Variants in TRAF3IP3 observed in about 807,000 individuals in gnomAD.
The protein encoded by TRAF3IP3 is TRAF3 interacting protein 3.
Under a neutral mutation model 86.5 loss-of-function variants are expected in TRAF3IP3, and 64 were observed. The observed-to-expected ratio is 0.74, with a 90% CI of 0.60 to 0.91. TRAF3IP3 has a LOEUF of 0.91. TRAF3IP3 is among the 40% of genes least tolerant of loss of function. The pLI is 0.00. For missense variants in TRAF3IP3, 579 were observed against 642.9 expected (o/e 0.90, Z 1.07); for synonymous variants, 220 against 243.9 (o/e 0.90, Z 0.91).
intron 8 of TRAF3IP3, among the ~76,000 whole-genome samples, chr1:209,770,929 TGTGCAG>T (rs1233070518): frequency 7.1e-6 from 1 of 141,066 alleles, no homozygotes; most frequent in Admixed American, 7.1e-5. Flanking sequence ...AAGGTGTGCG[TGTGCAG>T]GTGGAGGTGT....
At position 209,780,537 on chromosome 1, in the gene TRAF3IP3, G is replaced by A. The variant is rs1200702955; in HGVS notation, c.1380G>A (p.Lys460=). Residue 460 remains lysine, a synonymous_variant, in exon 15 of 17, where the codon AAG becomes AAA. Coordinates refer to ENST00000367025, the MANE Select transcript of TRAF3IP3 (RefSeq NM_025228.4). ...AAGTGGAGCCTGAGGGTACAGGGAA[G>A]GAGAAAGACTGGGATCTCAGAGACC... ...PNEVEPEGTG[K]EKDWDLRDQL... 1.9e-6 allele frequency: 3 copies of A among 1,603,612 alleles called. No individual in the cohort carries two copies. The highest frequency in any genetic ancestry group is 1.7e-5 in the Admixed American group (1 of 59,162).
At chr1:209,780,176 C>T (rs1176827588) in intron 14 of TRAF3IP3, 1 of 204,048 alleles carries the variant, frequency 4.9e-6, no homozygotes, top group Non-Finnish European at 9.7e-6. Flanking sequence ...GACATACAAC[C>T]AATGAAATTC....
chr1:209,760,816 C>A (rs2077233332), intron 3 of TRAF3IP3, among the ~76,000 whole-genome samples: 1 of 152,010 alleles, frequency 6.6e-6, no homozygotes. Context: ...CACCTGTAGT[C>A]CTAACTAATC....
intron 11 of TRAF3IP3, 99 bp from the exon 12 acceptor site, chr1:209,777,253 T>A: frequency 1.8e-6 from 2 of 1,094,584 alleles, no homozygotes; most frequent in Admixed American, 4.7e-5. Flanking sequence ...TCTCTAAAAT[T>A]CCAGACTTTT....
At chr1:209,768,002 C>T (rs1287377389) in intron 8 of TRAF3IP3, among the ~76,000 whole-genome samples, 2 of 152,132 alleles carry the variant, frequency 1.3e-5, no homozygotes, top group Non-Finnish European at 2.9e-5. Context: ...AACCCCCTAG[C>T]TTCCAGTTTT....
At chr1:209,765,211 GAGGGAGA>G (rs1477391796) in intron 8 of TRAF3IP3, among the ~76,000 whole-genome samples, 2 of 133,918 alleles carry the variant, frequency 1.5e-5, no homozygotes, top group African/African-American at 3.0e-5. Context: ...GAGAGAGAGA[GAGGGAGA>G]GAGAGAGAGA....
At position 209,762,390 on chromosome 1, in the gene TRAF3IP3, C is replaced by T. The variant is rs191955175; in HGVS notation, c.346-125C>T. The T allele has an allele frequency of 8.3e-4, 781 of 936,098 alleles. 3 individuals are homozygous for T. The African/African-American group carries it at 0.011, about 13-fold the overall frequency. The allele number at this position is 936,098 out of a possible 1,614,324, so 58.0% of individuals were successfully genotyped here. A position where few individuals can be genotyped will look rare whatever the true frequency, so the allele number is the denominator to read the frequency against. The stretch of plus-strand genomic sequence containing the variant: ...TAGGATTTCAACACACAGATTTGGG[C>T]GGGGGGACAATAAACACTCAGTCCA... On this transcript the variant is annotated intron_variant, in intron 3 of 16. Transcript: ENST00000367025.
At chr1:209,777,976 GAAGA>G in intron 12 of TRAF3IP3, 131 bp from the exon 13 acceptor site, 1 of 774,118 alleles carries the variant, frequency 1.3e-6, no homozygotes. Flanking sequence ...ACTGGGACAC[GAAGA>G]TAGAGCAACT....
At chr1:209,765,548 T>C (rs1287598787) in intron 8 of TRAF3IP3, among the ~76,000 whole-genome samples, 1 of 152,044 alleles carries the variant, frequency 6.6e-6, no homozygotes, top group Admixed American at 6.5e-5. Flanking sequence ...GCACCTGTAG[T>C]CTTAGGAACT....
chr1:209,776,703 A>G (rs1204862526), intron 11 of TRAF3IP3: 4 of 152,214 alleles, frequency 2.6e-5, no homozygotes, highest in African/African-American at 7.2e-5. Flanking sequence ...AAATGAAAAC[A>G]TCCAGAAAAC....
At chr1:209,772,903 A>G in intron 8 of TRAF3IP3, 45 bp from the exon 9 acceptor site, 2 of 1,535,688 alleles carry the variant, frequency 1.3e-6, no homozygotes, top group Non-Finnish European at 9.0e-7. Context: ...CTCTTTGCAG[A>G]CTAGATTTTG....
At chr1:209,763,234 TA>T in intron 6 of TRAF3IP3, 128 bp from the exon 7 acceptor site, 1 of 1,383,968 alleles carries the variant, frequency 7.2e-7, no homozygotes, top group Non-Finnish European at 1.0e-6. Context: ...ACATGGGGAC[TA>T]AAGGGACCCT....
intron 3 of TRAF3IP3, among the ~76,000 whole-genome samples, chr1:209,761,183 G>A (rs2077238597): frequency 6.6e-6 from 1 of 152,194 alleles, no homozygotes; most frequent in East Asian, 1.9e-4. Context: ...ACTTCCTCTT[G>A]TGTCATTCCA....
At position 209,760,401 on chromosome 1, in the gene TRAF3IP3, G is replaced by A. The variant is rs771544930; in HGVS notation, c.345+17G>A. 1 of 1,557,986 alleles carries A rather than the reference G, an allele frequency of 6.4e-7. No individual in the cohort carries two copies. The highest frequency in any genetic ancestry group is 1.4e-5 in the African/African-American group (1 of 73,558). ...AGAGAGCAGGTGGGCCGTGTCAAGG[G>A]ACATACTGCTGTGTGCTCTGGGACC... On this transcript the variant is annotated intron_variant, in intron 3 of 16. Transcript: ENST00000367025.
chr1:209,765,218 A>G (rs879701474), intron 8 of TRAF3IP3, among the ~76,000 whole-genome samples: 10 of 99,658 alleles, frequency 1.0e-4, no homozygotes, highest in African/African-American at 4.5e-4. Flanking sequence ...AGAGAGGGAG[A>G]GAGAGAGAGA....
chr1:209,779,452 G>A, intron 14 of TRAF3IP3, 78 bp downstream of exon 14: 7 of 1,276,678 alleles, frequency 5.5e-6, no homozygotes, highest in Non-Finnish European at 8.0e-6. Context: ...TGGACTACAT[G>A]ACCTCCTGGA....
At chr1:209,757,609 C>A (rs763336997) in intron 1 of TRAF3IP3, among the ~76,000 whole-genome samples, 2 of 152,058 alleles carry the variant, frequency 1.3e-5, no homozygotes, top group Non-Finnish European at 2.9e-5. Context: ...ATCTGGTAAA[C>A]AATATACTCT....
chr1:209,762,843 T>G lies in TRAF3IP3; in HGVS notation c.524T>G (p.Ile175Ser). Residue 175 changes from isoleucine (I) to serine (S), a missense_variant, in exon 5 of 17, where the codon ATT (isoleucine) becomes AGT (serine). Coordinates refer to ENST00000367025, the MANE Select transcript of TRAF3IP3 (RefSeq NM_025228.4). ...CAGACAAAGGCAGAAGGACCAACAATTAAGAACGATGCCAGTCAGCAAACC... is the reference window on the plus strand; with the variant it reads ...CAGACAAAGGCAGAAGGACCAACAAGTAAGAACGATGCCAGTCAGCAAACC... Reference protein sequence around the residue: ...GTQTKAEGPTIKNDASQQTNY... With the variant: ...GTQTKAEGPTSKNDASQQTNY... 1 of 1,614,180 alleles carries G rather than the reference T, an allele frequency of 6.2e-7. No individual in the cohort carries two copies.
chr1:209,766,434 GA>G (rs1338143721), intron 8 of TRAF3IP3, among the ~76,000 whole-genome samples: 1 of 152,236 alleles, frequency 6.6e-6, no homozygotes, highest in Non-Finnish European at 1.5e-5. Flanking sequence ...GTCCAGCCAT[GA>G]AGACAGAGAC....
Sources: gnomAD v4.1 joint callset for allele counts (sites outside exome capture counted in the v4.1 genomes callset) on GRCh38, gnomAD v4.1.1 for gene constraint, MANE v1.5 for transcripts, NCBI Gene and HGNC (gene_info 2026-07-23, HGNC 2026-07-21) for gene names.